Variants in RUNX3 observed in about 807,000 individuals in gnomAD.
The protein encoded by RUNX3 is runt-related transcription factor 3.
RUNX3 carries 10 observed loss-of-function variants against 27.7 expected under a neutral mutation model. The observed-to-expected ratio is 0.36, with a 90% CI of 0.22 to 0.61. RUNX3 has a LOEUF of 0.61. RUNX3 is among the 20% of genes least tolerant of loss of function. RUNX3 has a pLI of 0.72. For missense variants in RUNX3, 469 were observed against 629.5 expected (o/e 0.75, Z 2.73); for synonymous variants, 270 against 269.2 (o/e 1.00, Z -0.03).
intron 2 of RUNX3, among the ~76,000 whole-genome samples, chr1:24,945,740 C>T (rs116107714): frequency 9.2e-5 from 14 of 152,340 alleles, no homozygotes; most frequent in African/African-American, 2.4e-4. Context: ...TAACAGCCCC[C>T]GGTTCCTTTT....
At chr1:24,938,329 C>G (rs1205446815) in intron 2 of RUNX3, among the ~76,000 whole-genome samples, 1 of 152,188 alleles carries the variant, frequency 6.6e-6, no homozygotes, top group African/African-American at 2.4e-5. Context: ...TACAACAGGT[C>G]TGTTCATTTC....
intron 1 of RUNX3, chr1:24,929,089 C>A: frequency 2.2e-6 from 1 of 458,992 alleles, no homozygotes; most frequent in Non-Finnish European, 4.4e-6. Flanking sequence ...AGCAGTGCCC[C>A]GATCCCGGCC....
chr1:24,925,392 C>G (rs574092408), intron 2 of RUNX3, among the ~76,000 whole-genome samples: 17 of 151,862 alleles, frequency 1.1e-4, no homozygotes, highest in Non-Finnish European at 2.4e-4. Context: ...AAGTCCTCCT[C>G]CAGTCCCAGG....
At chr1:24,919,641 C>A (rs1640957419) in intron 2 of RUNX3, among the ~76,000 whole-genome samples, 2 of 152,044 alleles carry the variant, frequency 1.3e-5, no homozygotes, top group Admixed American at 1.3e-4. Context: ...CAGAGACCCA[C>A]ACGATTTTGT....
In RUNX3 at chr1:24,899,684, C is replaced by CT. The variant is rs1235881519; in HGVS notation, c.*2437dup. 6.5e-6 allele frequency: 1 copy of CT among 152,760 alleles called. No homozygotes were observed. Among genetic ancestry groups the CT allele is most frequent in the African/African-American group, 2.4e-5 (1 of 41,456 alleles). 9.5% of individuals were successfully genotyped at this position (152,760 alleles called of 1,614,324 possible). On this transcript the variant is annotated 3_prime_UTR_variant, in exon 5 of 5. Transcript: ENST00000308873. ...ACCCAGCTCCATCCTCTCGCCAGCTCTGGGATGGTTTTACATCAGATGAGT... is the reference window on the plus strand; with the variant it reads ...ACCCAGCTCCATCCTCTCGCCAGCTCTTGGGATGGTTTTACATCAGATGAGT...
chr1:24,944,730 G>A (rs1334580878), intron 2 of RUNX3, among the ~76,000 whole-genome samples: 1 of 152,222 alleles, frequency 6.6e-6, no homozygotes, highest in Non-Finnish European at 1.5e-5. Flanking sequence ...GGCTTTGAAG[G>A]TGGAGGAAGG....
chr1:24,932,662 C>T (rs1641258345), upstream of RUNX3, among the ~76,000 whole-genome samples: 1 of 152,220 alleles, frequency 6.6e-6, no homozygotes, highest in African/African-American at 2.4e-5. Context: ...ACCCACAGAA[C>T]AGGCTAGCTT....
chr1:24,947,987 C>T (rs1417638187), intron 2 of RUNX3, among the ~76,000 whole-genome samples: 3 of 152,226 alleles, frequency 2.0e-5, no homozygotes, highest in Non-Finnish European at 2.9e-5. Context: ...CCAGTTTCCC[C>T]ATCTGTCAGA....
chr1:24,930,560 C>T (rs550488001), upstream of RUNX3, among the ~76,000 whole-genome samples: 75 of 152,240 alleles, frequency 4.9e-4, no homozygotes, highest in African/African-American at 1.6e-3. The surrounding 1 kb of genome is among the most constrained non-coding windows in gnomAD (Gnocchi z 4.1). Context: ...ACGGAAGGCG[C>T]CCTTGCCGCC....
At chr1:24,952,701 C>T (rs1641797147) in intron 2 of RUNX3, among the ~76,000 whole-genome samples, 1 of 152,182 alleles carries the variant, frequency 6.6e-6, no homozygotes, top group Non-Finnish European at 1.5e-5. Flanking sequence ...CCTTCCTTGT[C>T]TGATTCAGCC....
chr1:24,926,538 T>C (rs774143495), intron 2 of RUNX3, among the ~76,000 whole-genome samples: 1 of 152,236 alleles, frequency 6.6e-6, no homozygotes, highest in African/African-American at 2.4e-5. Context: ...ATGGCTGACA[T>C]TTGTATGTAT....
At chr1:24,928,455 C>T (rs778718655) in intron 1 of RUNX3, among the ~76,000 whole-genome samples, 61 of 152,130 alleles carry the variant, frequency 4.0e-4, no homozygotes, top group Non-Finnish European at 7.3e-4. Flanking sequence ...AGGCGGATGC[C>T]TTTTGAAAAA....
At chr1:24,949,732 G>A (rs1641710197) in intron 2 of RUNX3, among the ~76,000 whole-genome samples, 1 of 152,258 alleles carries the variant, frequency 6.6e-6, no homozygotes, top group Non-Finnish European at 1.5e-5. Context: ...GGGCCAGGGA[G>A]GCCGTCAGGA....
intron 3 of RUNX3, among the ~76,000 whole-genome samples, chr1:24,914,730 G>A (rs1390617917): frequency 1.3e-5 from 2 of 152,130 alleles, no homozygotes; most frequent in Non-Finnish European, 2.9e-5. Flanking sequence ...GGGAGCCAGG[G>A]ACCTGGAGCA....
Position 24,918,833 on chromosome 1 carries a change from C to G in RUNX3, c.544+407G>C, listed in dbSNP as rs147339258. Among the ~76,000 whole-genome samples, 251 of 152,310 alleles carry G rather than the reference C, an allele frequency of 1.6e-3. 2 individuals are homozygous for G. Among genetic ancestry groups the G allele is most frequent in the Middle Eastern group, 0.01 (3 of 294 alleles). On this transcript the variant is annotated intron_variant, in intron 3 of 4. Coordinates refer to ENST00000308873, the MANE Select transcript of RUNX3 (RefSeq NM_004350.3). Reference sequence around the variant, plus strand: ...AAGAGGCCTGGCCTCACAGCCAGACCAGCCCCTGACTTTTGATCACTCCTG... The same window carrying G: ...AAGAGGCCTGGCCTCACAGCCAGACGAGCCCCTGACTTTTGATCACTCCTG...
intron 4 of RUNX3, among the ~76,000 whole-genome samples, chr1:24,906,832 C>T (rs1640673330): frequency 6.6e-6 from 1 of 152,242 alleles, no homozygotes; most frequent in African/African-American, 2.4e-5. Context: ...TGGGTGGAGG[C>T]ATCCGCCCCA....
intron 2 of RUNX3, among the ~76,000 whole-genome samples, chr1:24,922,650 T>A (rs528526709): frequency 7.2e-5 from 11 of 152,366 alleles, no homozygotes; most frequent in African/African-American, 2.2e-4. Flanking sequence ...CCACAATTTT[T>A]AAAGTATTTT....
intron 2 of RUNX3, among the ~76,000 whole-genome samples, chr1:24,947,521 G>C (rs563713971): frequency 6.6e-6 from 1 of 152,212 alleles, no homozygotes; most frequent in African/African-American, 2.4e-5. Flanking sequence ...AGCCAAGCCC[G>C]GTCTTTGAGG....
upstream of RUNX3, among the ~76,000 whole-genome samples, chr1:24,931,058 A>G (rs976524684): frequency 2.0e-5 from 3 of 152,160 alleles, no homozygotes; most frequent in African/African-American, 4.8e-5. Flanking sequence ...GAAAAACACG[A>G]CGAGGCCTGC....
Sources: allele counts gnomAD v4.1 joint callset (sites outside exome capture counted in the v4.1 genomes callset), GRCh38; gene constraint gnomAD v4.1.1; non-coding constraint Gnocchi (gnomAD v3.1); transcripts MANE v1.5; gene names NCBI Gene and HGNC (gene_info 2026-07-23, HGNC 2026-07-21).